MACROD1: variants seen among roughly 807,000 people sequenced by gnomAD.
The protein encoded by MACROD1 is ADP-ribose glycohydrolase MACROD1.
In MACROD1, 31 loss-of-function variants were observed where a neutral mutation model predicts 41.4. The observed-to-expected ratio is 0.75, with a 90% CI of 0.56 to 1.01. The LOEUF (loss-of-function observed/expected upper bound fraction) is 1.01, where lower values mean the gene tolerates loss of function less well. Among genes scored for constraint, MACROD1 ranks in the 50% least tolerant of loss-of-function variants. MACROD1 has a pLI of 0.00. For synonymous variants in MACROD1, 252 were observed against 203.4 expected (o/e 1.24, Z -2.03); for missense variants, 473 against 460.0 (o/e 1.03, Z -0.26).
chr11:64,081,091 A>AG (rs1396939915), intron 3 of MACROD1, among the ~76,000 whole-genome samples: 3 of 152,142 alleles, frequency 2.0e-5, no homozygotes, highest in Non-Finnish European at 4.4e-5. Flanking sequence ...GCATGATCTC[A>AG]GCTCACTGCA....
At chr11:64,139,351 C>T (rs533954788) in intron 3 of MACROD1, among the ~76,000 whole-genome samples, 104 of 152,226 alleles carry the variant, frequency 6.8e-4, no homozygotes, top group Non-Finnish European at 3.7e-4. Flanking sequence ...CCCACACAGC[C>T]GTGCCCACCA....
Position 64,157,894 on chromosome 11 carries a change from G to A in MACROD1, c.299-5501C>T, listed in dbSNP as rs566020686. On this transcript the variant is annotated intron_variant, in intron 1 of 10. Coordinates refer to ENST00000255681, the MANE Select transcript of MACROD1 (RefSeq NM_014067.4). ...GGGGCATTAATCACCTGCGCTCACC[G>A]GCCCGCAAGAACAGGGTCTTGTCAA... Among the ~76,000 whole-genome samples, 15 of 152,234 alleles carry A rather than the reference G, an allele frequency of 9.9e-5. No homozygotes were observed. In the South Asian group the frequency reaches 1.0e-3, roughly 11 times the overall value.
At chr11:64,129,704 C>G (rs1308441218) in intron 3 of MACROD1, among the ~76,000 whole-genome samples, 1 of 152,182 alleles carries the variant, frequency 6.6e-6, no homozygotes, top group Non-Finnish European at 1.5e-5. Context: ...CCAAACCACC[C>G]CCACAACAAT....
chr11:64,097,034 A>C (rs979506006), intron 3 of MACROD1, among the ~76,000 whole-genome samples: 2 of 151,758 alleles, frequency 1.3e-5, no homozygotes, highest in Admixed American at 1.3e-4. Context: ...GCGGATGAGA[A>C]CTCTTCAGGC....
intron 3 of MACROD1, among the ~76,000 whole-genome samples, chr11:64,086,353 T>A (rs754712646): frequency 3.3e-5 from 5 of 151,994 alleles, no homozygotes; most frequent in Non-Finnish European, 5.9e-5. Flanking sequence ...CCTGTGAATC[T>A]TACATATGCA....
In MACROD1 at chr11:64,165,875, G is replaced by A; in HGVS notation, c.120C>T (p.Ser40=). ...CCAGGAACGCCGGGGGACCGCACGT[G>A]CTGCTGCGGGTCCTCGTGGCACCCG... ...HLAGATRTRS[S]TCGPPAFLGV... Residue 40 remains serine, a synonymous_variant, in exon 1 of 11, where the codon AGC becomes AGT. Coordinates refer to ENST00000255681, the MANE Select transcript of MACROD1 (RefSeq NM_014067.4). 7.1e-7 allele frequency: 1 copy of A among 1,418,310 alleles called. No homozygotes were observed. The highest frequency in any genetic ancestry group is 2.5e-4 in the Middle Eastern group (1 of 4,064). The allele number at this position is 1,418,310 out of a possible 1,614,324, so 87.9% of individuals were successfully genotyped here.
intron 5 of MACROD1, 115 bp downstream of exon 5, chr11:64,000,112 G>A: frequency 1.3e-6 from 1 of 798,968 alleles, no homozygotes; most frequent in Non-Finnish European, 2.0e-6. Flanking sequence ...TTAAGGTTAA[G>A]AAGGGCCCCC....
chr11:64,139,635 G>T (rs1173817633), intron 3 of MACROD1, among the ~76,000 whole-genome samples: 1 of 152,158 alleles, frequency 6.6e-6, no homozygotes, highest in Non-Finnish European at 1.5e-5. Context: ...CCCCCATAAG[G>T]AACAGATGGG....
chr11:64,032,380 A>C (rs1355899648), intron 3 of MACROD1, among the ~76,000 whole-genome samples: 1 of 152,156 alleles, frequency 6.6e-6, no homozygotes, highest in Non-Finnish European at 1.5e-5. Flanking sequence ...CAAGGCTGGG[A>C]TGGTGCCCAG....
At chr11:64,136,759 G>T (rs530468459) in intron 3 of MACROD1, among the ~76,000 whole-genome samples, 1 of 152,222 alleles carries the variant, frequency 6.6e-6, no homozygotes, top group Non-Finnish European at 1.5e-5. Context: ...AGAACACATC[G>T]TGACGTGGAA....
intron 3 of MACROD1, among the ~76,000 whole-genome samples, chr11:64,149,712 T>C (rs1945547293): frequency 1.3e-5 from 2 of 152,252 alleles, no homozygotes; most frequent in Non-Finnish European, 2.9e-5. Context: ...CTCACACGCT[T>C]GCCAGTGACT....
At chr11:64,004,779 G>A (rs1402132057) in intron 4 of MACROD1, among the ~76,000 whole-genome samples, 1 of 152,168 alleles carries the variant, frequency 6.6e-6, no homozygotes, top group Non-Finnish European at 1.5e-5. Flanking sequence ...GCTGGGAGGG[G>A]TGACTCATGC....
At position 64,015,249 on chromosome 11, in the gene MACROD1, C is replaced by G; in HGVS notation, c.547+3G>C. 1 of 1,602,020 alleles carries G rather than the reference C, an allele frequency of 6.2e-7. No individual in the cohort carries two copies. On this transcript the variant is annotated splice_donor_region_variant and intron_variant, in intron 4 of 10. Coordinates refer to ENST00000255681, the MANE Select transcript of MACROD1 (RefSeq NM_014067.4). ...CCCCCACCAAGACAGAAGGTCCACT[C>G]ACCGCCACCGCCTCCGAGCAGGGAG...
intron 3 of MACROD1, among the ~76,000 whole-genome samples, chr11:64,016,826 C>T (rs1409137162): frequency 6.6e-6 from 1 of 152,206 alleles, no homozygotes; most frequent in East Asian, 1.9e-4. Flanking sequence ...GGAGCATGAG[C>T]CGAAGCCGGA....
At chr11:64,152,914 T>A (rs1477558163) in intron 1 of MACROD1, among the ~76,000 whole-genome samples, 1 of 152,222 alleles carries the variant, frequency 6.6e-6, no homozygotes. Context: ...CAAGTGGACC[T>A]GGCACCTGTC....
At chr11:64,095,688 G>T (rs1252084501) in intron 3 of MACROD1, among the ~76,000 whole-genome samples, 1 of 152,262 alleles carries the variant, frequency 6.6e-6, no homozygotes, top group East Asian at 1.9e-4. Flanking sequence ...GCTCACAGCG[G>T]AGGTCTGAGG....
At chr11:64,032,817 G>A (rs1000150954) in intron 3 of MACROD1, among the ~76,000 whole-genome samples, 9 of 152,132 alleles carry the variant, frequency 5.9e-5, no homozygotes, top group South Asian at 2.1e-4. Flanking sequence ...TCCCCTTCCT[G>A]GAATGACACT....
chr11:64,145,995 C>A (rs1480147433), intron 3 of MACROD1, among the ~76,000 whole-genome samples: 2 of 152,104 alleles, frequency 1.3e-5, no homozygotes, highest in African/African-American at 4.8e-5. Flanking sequence ...CTCTCAAACT[C>A]CTGACCTCAA....
chr11:64,150,658 T>C (rs1485752151), intron 3 of MACROD1, among the ~76,000 whole-genome samples: 1 of 152,150 alleles, frequency 6.6e-6, no homozygotes, highest in African/African-American at 2.4e-5. Context: ...CCACTAGCTG[T>C]GTGGAGTAGC....
Sources: gnomAD v4.1 joint callset for allele counts (sites outside exome capture counted in the v4.1 genomes callset) on GRCh38, gnomAD v4.1.1 for gene constraint, MANE v1.5 for transcripts, NCBI Gene and HGNC (gene_info 2026-07-23, HGNC 2026-07-21) for gene names.